The following ZNF728 variants were observed in gnomAD, a reference collection of about 807,000 sequenced individuals.
ZNF728 encodes zinc finger protein 728.
In ZNF728, 12 loss-of-function variants were observed where a neutral mutation model predicts 12.5. That is an observed-to-expected ratio of 0.96 (90% CI 0.61 to 1.55). The LOEUF (loss-of-function observed/expected upper bound fraction) is 1.55. ZNF728 is among the 40% of genes most tolerant of loss of function. The probability of loss-of-function intolerance (pLI) is 0.00; values close to 1 mark genes in which losing one functional copy is unlikely to be tolerated. For synonymous variants in ZNF728, 205 were observed against 240.7 expected (o/e 0.85, Z 1.37); for missense variants, 692 against 719.2 (o/e 0.96, Z 0.43).
At position 22,974,931 on chromosome 19, in the gene ZNF728, T is replaced by C. The variant is rs1214613108; in HGVS notation, c.*537A>G. Among the ~76,000 whole-genome samples the C allele has an allele frequency of 6.6e-6, 1 of 152,234 alleles. No homozygotes were observed. The highest frequency in any genetic ancestry group is 2.4e-5 in the African/African-American group (1 of 41,466). ...CTAGTGTAAATGCTTTCCTTTGCAA[T>C]TAGGCATGAGCATTGGTTAAATGTT... On this transcript the variant is annotated 3_prime_UTR_variant, in exon 4 of 4. Transcript: ENST00000594710.
In ZNF728 at chr19:22,976,280, A is replaced by C; in HGVS notation, c.1057T>G (p.Ser353Ala). The C allele has an allele frequency of 6.2e-7, 1 of 1,613,176 alleles. No homozygotes were observed. Among genetic ancestry groups the C allele is most frequent in the Non-Finnish European group, 8.5e-7 (1 of 1,179,836 alleles). ...EECGKAFGNF[S>A]TLTKHKVIHT... ...ATTACCTTATGTTTAGTAAGGGTTG[A>C]GAAGTTACCAAAGGCTTTGCCACAT... The change falls in exon 4 of 4, where the codon TCA (serine) becomes GCA (alanine). Residue 353 changes from serine (S) to alanine (A), a missense_variant. By Grantham distance (99) the Ser-to-Ala change is moderately conservative. Coordinates refer to ENST00000594710, the MANE Select transcript of ZNF728 (RefSeq NM_001267716.2).
At chr19:22,985,190 G>A (rs968007081) in intron 3 of ZNF728, among the ~76,000 whole-genome samples, 3 of 152,096 alleles carry the variant, frequency 2.0e-5, no homozygotes, top group African/African-American at 4.8e-5. Flanking sequence ...AATGAAATGA[G>A]TCAGCTGCAA....
rs540907350 is a variant in ZNF728 at position 22,976,891 on chromosome 19, T to C, written c.446A>G (p.Lys149Arg). Residue 149 changes from lysine to arginine, a missense_variant, in exon 4 of 4, where the codon AAA becomes AGA. By Grantham distance (26) the Lys-to-Arg change is conservative. Transcript: ENST00000594710. Reference protein sequence around the residue: ...TTQSKVFQCGKYANIFHKCSN... With the variant: ...TTQSKVFQCGRYANIFHKCSN... ...ACATTTATGAAAGATGTTTGCATAT[T>C]TGCCACATTGAAATACTTTGCTTTG... 175 of 1,613,508 alleles carry C rather than the reference T, an allele frequency of 1.1e-4. No homozygotes were observed. The highest frequency in any genetic ancestry group is 1.3e-4 in the Non-Finnish European group (155 of 1,179,734).
At chr19:22,984,576 ATACACAC>A (rs1466257378) in intron 3 of ZNF728, among the ~76,000 whole-genome samples, 2 of 79,392 alleles carry the variant, frequency 2.5e-5, no homozygotes, top group African/African-American at 1.6e-4. Context: ...AAAAAAAAAA[ATACACAC>A]ACACACACAC....
Position 22,976,456 on chromosome 19 carries a change from C to G in ZNF728, c.881G>C (p.Ser294Thr). The change falls in exon 4 of 4, where the codon AGT becomes ACT. Residue 294 changes from serine (S) to threonine (T), a missense_variant. Ser to Thr is a moderately conservative substitution (Grantham distance 58). Coordinates refer to ENST00000594710, the MANE Select transcript of ZNF728 (RefSeq NM_001267716.2). Reference sequence around the variant, plus strand: ...ATGTGCAGTAAGGGTTGAGGCCTTACTAAAGGCTTTGCCACATTCTTCACA... The same window carrying G: ...ATGTGCAGTAAGGGTTGAGGCCTTAGTAAAGGCTTTGCCACATTCTTCACA... ...YKCEECGKAF[S>T]KASTLTAHKT... is the part of the protein sequence containing the mutation. The G allele has an allele frequency of 3.1e-6, 5 of 1,611,398 alleles. No individual in the cohort carries two copies. Among genetic ancestry groups the G allele is most frequent in the Non-Finnish European group, 4.2e-6 (5 of 1,179,312 alleles).
chr19:22,981,057 T>C (rs1249667135), intron 3 of ZNF728, among the ~76,000 whole-genome samples: 1 of 147,422 alleles, frequency 6.8e-6, no homozygotes, highest in Non-Finnish European at 1.5e-5. Context: ...AGACACAAAA[T>C]ACCCTTCAAA....
At chr19:22,994,033 G>T (rs1330683681) in intron 1 of ZNF728, among the ~76,000 whole-genome samples, 2 of 152,128 alleles carry the variant, frequency 1.3e-5, no homozygotes, top group Non-Finnish European at 1.5e-5. Flanking sequence ...GGGAGAAGTG[G>T]ATTCTCATGT....
chr19:22,976,547 C>CATA lies in ZNF728; in HGVS notation c.789_790insTAT (p.Lys263_Ala264insTyr). 6.2e-7 allele frequency: 1 copy of CATA among 1,612,602 alleles called. No homozygotes were observed. Among genetic ancestry groups the CATA allele is most frequent in the South Asian group, 1.1e-5 (1 of 91,066 alleles). Reference sequence around the variant, plus strand: ...ATAAGGCTTGAGGACCGGGTGAAGGCTTTGCCACATTCTTCACATTTGTAA... The same window carrying CATA: ...ATAAGGCTTGAGGACCGGGTGAAGGCATATTTGCCACATTCTTCACATTTGTAA... On this transcript the variant is annotated inframe_insertion, in exon 4 of 4. Transcript: ENST00000594710.
intron 3 of ZNF728, among the ~76,000 whole-genome samples, chr19:22,983,912 G>A (rs1968886884): frequency 6.6e-6 from 1 of 152,004 alleles, no homozygotes; most frequent in Admixed American, 6.6e-5. Flanking sequence ...GTAGATAACG[G>A]GTTGATGGGT....
At chr19:22,984,512 T>C (rs1184281842) in intron 3 of ZNF728, among the ~76,000 whole-genome samples, 2 of 146,480 alleles carry the variant, frequency 1.4e-5, no homozygotes, top group African/African-American at 5.1e-5. Context: ...TGAGCCAAGA[T>C]TGTGCCGCTA....
chr19:22,993,565 C>T (rs289295), intron 1 of ZNF728, among the ~76,000 whole-genome samples: 52,630 of 152,006 alleles, frequency 0.35, 12,995 homozygotes, highest in African/African-American at 0.71. Context: ...GCCTGGAATC[C>T]ACGCTTTCAT....
chr19:23,000,179 TA>T (rs1455292632), intron 1 of ZNF728, among the ~76,000 whole-genome samples: 1 of 151,824 alleles, frequency 6.6e-6, no homozygotes, highest in Non-Finnish European at 1.5e-5. Context: ...CCACCCTGGC[TA>T]ACATGGCTAA....
intron 1 of ZNF728, among the ~76,000 whole-genome samples, chr19:22,991,212 T>C (rs916872697): frequency 6.6e-6 from 1 of 152,196 alleles, no homozygotes; most frequent in Non-Finnish European, 1.5e-5. Flanking sequence ...GAAAACAACA[T>C]GTGCACATGT....
chr19:22,996,867 C>T (rs994926746), intron 1 of ZNF728, among the ~76,000 whole-genome samples: 2 of 152,136 alleles, frequency 1.3e-5, no homozygotes, highest in Non-Finnish European at 2.9e-5. Context: ...TCTCTTACAA[C>T]AGCCAGGTCT....
At chr19:23,001,119 G>C (rs1209783609) in intron 1 of ZNF728, among the ~76,000 whole-genome samples, 1 of 152,022 alleles carries the variant, frequency 6.6e-6, no homozygotes, top group Admixed American at 6.6e-5. Context: ...CATCTCACTG[G>C]GGTCAGTTGT....
intron 3 of ZNF728, among the ~76,000 whole-genome samples, chr19:22,977,471 A>G (rs1262913943): frequency 2.0e-5 from 3 of 152,130 alleles, no homozygotes; most frequent in Non-Finnish European, 2.9e-5. Flanking sequence ...CAAGTAAAAT[A>G]TTGGCACATA....
At chr19:22,985,239 T>G (rs1227837417) in intron 3 of ZNF728, among the ~76,000 whole-genome samples, 1 of 152,128 alleles carries the variant, frequency 6.6e-6, no homozygotes, top group African/African-American at 2.4e-5. Flanking sequence ...CTATAAAGCA[T>G]TTACACTCTT....
At chr19:23,000,089 C>T (rs1368252333) in intron 1 of ZNF728, among the ~76,000 whole-genome samples, 1 of 152,120 alleles carries the variant, frequency 6.6e-6, no homozygotes, top group African/African-American at 2.4e-5. Context: ...CACCTGAAGG[C>T]CAGGCATGGT....
In ZNF728 at chr19:22,988,437, A is replaced by C. The variant is rs754340717; in HGVS notation, c.18T>G (p.Phe6Leu). 8 of 1,613,936 alleles carry C rather than the reference A, an allele frequency of 5.0e-6. No individual in the cohort carries two copies. Among genetic ancestry groups the C allele is most frequent in the Non-Finnish European group, 6.8e-6 (8 of 1,179,976 alleles). The change falls in exon 2 of 4, where the codon TTT (phenylalanine) becomes TTG (leucine). Residue 6 changes from phenylalanine to leucine, a missense_variant. Phe to Leu is a conservative substitution (Grantham distance 22). Transcript: ENST00000594710. Reference sequence around the variant, plus strand: ...GAGAGAATTGTATGGCCACATCCCGAAATGTCAACGATCCCTGGAAAACAC... The same window carrying C: ...GAGAGAATTGTATGGCCACATCCCGCAATGTCAACGATCCCTGGAAAACAC... MGSLT[F>L]RDVAIQFSLE...
Sources: allele counts gnomAD v4.1 joint callset (sites outside exome capture counted in the v4.1 genomes callset), GRCh38; gene constraint gnomAD v4.1.1; transcripts MANE v1.5; gene names NCBI Gene and HGNC (gene_info 2026-07-23, HGNC 2026-07-21).